Variants in NOS1AP observed in about 807,000 individuals in gnomAD.
The protein encoded by NOS1AP is nitric oxide synthase 1 adaptor protein.
A neutral mutation model predicts 56.2 loss-of-function variants in NOS1AP; 21 were observed. The observed-to-expected ratio is 0.37, with a 90% CI of 0.26 to 0.54. NOS1AP has a LOEUF of 0.54. Among genes scored for constraint, NOS1AP ranks in the 20% least tolerant of loss-of-function variants. The probability of loss-of-function intolerance (pLI) is 0.84; values close to 1 mark genes in which losing one functional copy is unlikely to be tolerated. For missense variants in NOS1AP, 522 were observed against 657.8 expected (o/e 0.79, Z 2.26); for synonymous variants, 270 against 274.6 (o/e 0.98, Z 0.17).
At chr1:162,114,309 C>G (rs1405608661) in intron 1 of NOS1AP, among the ~76,000 whole-genome samples, 1 of 146,874 alleles carries the variant, frequency 6.8e-6, no homozygotes, top group Admixed American at 6.8e-5. Flanking sequence ...AGCCGTTAGA[C>G]AAGTGCAACA....
intron 4 of NOS1AP, among the ~76,000 whole-genome samples, chr1:162,318,952 C>G (rs1325414601): frequency 6.6e-6 from 1 of 152,112 alleles, no homozygotes; most frequent in Non-Finnish European, 1.5e-5. Flanking sequence ...ATTATCACAC[C>G]CAGAGAAATG....
intron 2 of NOS1AP, among the ~76,000 whole-genome samples, chr1:162,259,082 T>G (rs1002063618): frequency 3.9e-5 from 6 of 152,186 alleles, no homozygotes; most frequent in Non-Finnish European, 5.9e-5. Context: ...AATAAGGTTG[T>G]TGGGTTATGA....
In NOS1AP at chr1:162,141,033, G is replaced by T. The variant is rs534401890; in HGVS notation, c.106-13372G>T. On this transcript the variant is annotated intron_variant, in intron 1 of 9. Transcript: ENST00000361897. ...TTATTAAGCCTTTGTCGGATGCAAAGTTTGCAAATATTTACTACCATTCTG... is the reference window on the plus strand; with the variant it reads ...TTATTAAGCCTTTGTCGGATGCAAATTTTGCAAATATTTACTACCATTCTG... Among the ~76,000 whole-genome samples, 30 of 152,232 alleles carry T rather than the reference G, an allele frequency of 2.0e-4. 1 individual carries two copies. The highest frequency in any genetic ancestry group is 7.0e-4 in the African/African-American group (29 of 41,530).
At chr1:162,337,856 A>G (rs1337987827) in intron 5 of NOS1AP, among the ~76,000 whole-genome samples, 3 of 152,242 alleles carry the variant, frequency 2.0e-5, no homozygotes, top group African/African-American at 7.2e-5. Context: ...AAGCCACAAA[A>G]TAATGTGTTG....
chr1:162,217,484 C>T (rs1484938659), intron 2 of NOS1AP, among the ~76,000 whole-genome samples: 4 of 151,806 alleles, frequency 2.6e-5, no homozygotes. Flanking sequence ...AGGCTGGTCT[C>T]GAACTCCTGG....
At chr1:162,141,617 G>A (rs1488389733) in intron 1 of NOS1AP, among the ~76,000 whole-genome samples, 1 of 152,154 alleles carries the variant, frequency 6.6e-6, no homozygotes, top group Non-Finnish European at 1.5e-5. Flanking sequence ...GATCGCCCTT[G>A]TGTACTCTTT....
chr1:162,228,639 G>A (rs12737539), intron 2 of NOS1AP, among the ~76,000 whole-genome samples: 68,208 of 152,066 alleles, frequency 0.45, 18,705 homozygotes, highest in Non-Finnish European at 0.62. Context: ...ATAGACCAGC[G>A]CCCAGCAAGG....
chr1:162,262,763 A>G (rs982710290), intron 2 of NOS1AP, among the ~76,000 whole-genome samples: 10 of 152,210 alleles, frequency 6.6e-5, no homozygotes, highest in Non-Finnish European at 1.3e-4. Flanking sequence ...TAAAAGAGCT[A>G]TGGGAGATTT....
At chr1:162,204,037 C>T (rs966887224) in intron 2 of NOS1AP, among the ~76,000 whole-genome samples, 17 of 152,162 alleles carry the variant, frequency 1.1e-4, no homozygotes, top group African/African-American at 3.9e-4. Context: ...CCATCCTCCA[C>T]AGTATGGCCA....
chr1:162,340,098 CAGTT>C (rs1388079944), intron 5 of NOS1AP, among the ~76,000 whole-genome samples: 4 of 152,300 alleles, frequency 2.6e-5, no homozygotes, highest in South Asian at 4.1e-4. Context: ...TTCTGTGAAA[CAGTT>C]AGAGTAGCTT....
chr1:162,277,763 GC>G (rs1199916466), intron 2 of NOS1AP, among the ~76,000 whole-genome samples: 1 of 152,194 alleles, frequency 6.6e-6, no homozygotes, highest in Non-Finnish European at 1.5e-5. Flanking sequence ...ACCTGTGCTG[GC>G]ATTGGTGAAA....
chr1:162,146,029 C>A (rs1013927473), intron 1 of NOS1AP, among the ~76,000 whole-genome samples: 3 of 152,186 alleles, frequency 2.0e-5, no homozygotes, highest in Admixed American at 1.3e-4. Flanking sequence ...CTGAAACTCA[C>A]ATGTTGTATC....
intron 1 of NOS1AP, among the ~76,000 whole-genome samples, chr1:162,093,183 A>G (rs936053167): frequency 4.6e-5 from 7 of 152,194 alleles, no homozygotes; most frequent in African/African-American, 1.7e-4. Flanking sequence ...TGATAAAAAT[A>G]TCTCCCCTAT....
At chr1:162,171,995 A>G (rs188572180) in intron 2 of NOS1AP, among the ~76,000 whole-genome samples, 23 of 152,302 alleles carry the variant, frequency 1.5e-4, no homozygotes, top group African/African-American at 5.1e-4. Flanking sequence ...AGCAGCCCCA[A>G]GGTTGGGGCT....
chr1:162,082,364 T>C (rs1344345829), intron 1 of NOS1AP, among the ~76,000 whole-genome samples: 1 of 152,204 alleles, frequency 6.6e-6, no homozygotes, highest in Non-Finnish European at 1.5e-5. Context: ...GATGGTTCTG[T>C]GTCTTCACTG....
At chr1:162,290,637 G>A (rs576126192) in intron 3 of NOS1AP, among the ~76,000 whole-genome samples, 8 of 152,280 alleles carry the variant, frequency 5.3e-5, no homozygotes, top group African/African-American at 1.7e-4. Flanking sequence ...ATATTCAGCC[G>A]TGAGGCAATG....
intron 1 of NOS1AP, among the ~76,000 whole-genome samples, chr1:162,152,701 G>A (rs1405223126): frequency 6.6e-6 from 1 of 152,180 alleles, no homozygotes; most frequent in African/African-American, 2.4e-5. Flanking sequence ...TGCCAGCTGT[G>A]TTCTTCAGTG....
chr1:162,117,687 C>T (rs1454948222), intron 1 of NOS1AP, among the ~76,000 whole-genome samples: 1 of 152,226 alleles, frequency 6.6e-6, no homozygotes, highest in Admixed American at 6.5e-5. Flanking sequence ...GCTCTGAAAG[C>T]ACCTTGTCAG....
At chr1:162,092,516 T>G (rs2102023868) in intron 1 of NOS1AP, among the ~76,000 whole-genome samples, 1 of 152,278 alleles carries the variant, frequency 6.6e-6, no homozygotes, top group African/African-American at 2.4e-5. Context: ...TGAATAAGAG[T>G]TTATGACTGA....
Sources: allele counts gnomAD v4.1 joint callset (sites outside exome capture counted in the v4.1 genomes callset), GRCh38; gene constraint gnomAD v4.1.1; transcripts MANE v1.5; gene names NCBI Gene and HGNC (gene_info 2026-07-23, HGNC 2026-07-21).